The following ERBB4 variants were observed in gnomAD, a reference collection of about 807,000 sequenced individuals.
ERBB4 encodes the protein receptor tyrosine-protein kinase erbB-4.
A neutral mutation model predicts 158.0 loss-of-function variants in ERBB4; 42 were observed. The observed-to-expected ratio is 0.27, with a 90% confidence interval of 0.21 to 0.34. The LOEUF (loss-of-function observed/expected upper bound fraction) is 0.34. Ranked by LOEUF, ERBB4 falls within the 10% of genes least tolerant of loss-of-function variation. The pLI is 1.00. For synonymous variants in ERBB4, 583 were observed against 558.7 expected, an observed-to-expected ratio of 1.04 and a Z score of -0.61; for missense variants, 1,333 against 1,624.1, an observed-to-expected ratio of 0.82 and a Z score of 3.08.
At chr2:212,177,189 G>A (rs1320279781) in intron 1 of ERBB4, among the ~76,000 whole-genome samples, 14 of 151,402 alleles carry the variant, frequency 9.2e-5, no homozygotes, top group Admixed American at 9.2e-4. Flanking sequence ...TTTTTGTAAG[G>A]TAAAAAAATG....
At chr2:211,684,007 C>A (rs1427856478) in intron 12 of ERBB4, among the ~76,000 whole-genome samples, 1 of 151,948 alleles carries the variant, frequency 6.6e-6, no homozygotes, top group South Asian at 2.1e-4. Context: ...AATGTTTCTT[C>A]GTATTTTTGA....
intron 3 of ERBB4, among the ~76,000 whole-genome samples, chr2:211,827,415 T>C (rs1443621594): frequency 6.6e-6 from 1 of 152,070 alleles, no homozygotes; most frequent in African/African-American, 2.4e-5. Context: ...TTATTGACAA[T>C]CCACATACCA....
intron 25 of ERBB4, among the ~76,000 whole-genome samples, chr2:211,415,508 C>A: frequency 6.6e-6 from 1 of 152,172 alleles, no homozygotes. Flanking sequence ...GGAAACATAG[C>A]AAAATATAAT....
At chr2:212,024,184 G>C (rs752162088) in intron 2 of ERBB4, among the ~76,000 whole-genome samples, 1 of 151,866 alleles carries the variant, frequency 6.6e-6, no homozygotes, top group African/African-American at 2.4e-5. Context: ...TGGACACAGA[G>C]TGTTTCATTC....
chr2:212,366,415 C>A (rs370947381), intron 1 of ERBB4, among the ~76,000 whole-genome samples: 1 of 151,920 alleles, frequency 6.6e-6, no homozygotes, highest in African/African-American at 2.4e-5. Context: ...AGAACAGTGA[C>A]TTTAATCAGC....
At chr2:211,416,826 T>G (rs1330391246) in intron 25 of ERBB4, among the ~76,000 whole-genome samples, 1 of 151,962 alleles carries the variant, frequency 6.6e-6, no homozygotes. Context: ...TTTTTTTTTT[T>G]TTTTAACCCT....
At chr2:211,441,000 G>A (rs370007180) in intron 20 of ERBB4, among the ~76,000 whole-genome samples, 2 of 152,120 alleles carry the variant, frequency 1.3e-5, no homozygotes, top group South Asian at 2.1e-4. Context: ...ACTTCCTTCT[G>A]GAAGTCACCC....
chr2:212,381,539 A>G (rs540204503), intron 1 of ERBB4, among the ~76,000 whole-genome samples: 1 of 151,366 alleles, frequency 6.6e-6, no homozygotes, highest in African/African-American at 2.4e-5. Context: ...TAACTCTCCA[A>G]GCAATTGCAG....
chr2:211,973,139 G>T (rs1055447054), intron 2 of ERBB4, among the ~76,000 whole-genome samples: 1 of 151,020 alleles, frequency 6.6e-6, no homozygotes, highest in Non-Finnish European at 1.5e-5. Flanking sequence ...CTTTTCAAAA[G>T]AAGACATATG....
At chr2:211,674,001 AT>A (rs1559404527) in intron 13 of ERBB4, among the ~76,000 whole-genome samples, 1 of 152,028 alleles carries the variant, frequency 6.6e-6, no homozygotes, top group Non-Finnish European at 1.5e-5. Context: ...ATATCCTTAC[AT>A]TTTTGTGGCT....
chr2:211,692,255 C>G (rs1574995427), intron 12 of ERBB4, among the ~76,000 whole-genome samples: 1 of 152,130 alleles, frequency 6.6e-6, no homozygotes, highest in East Asian at 1.9e-4. Flanking sequence ...GGATTGAGCC[C>G]TAGTGATGTT....
chr2:211,937,032 A>G (rs978289812), intron 3 of ERBB4, among the ~76,000 whole-genome samples: 2 of 152,222 alleles, frequency 1.3e-5, no homozygotes, highest in Non-Finnish European at 2.9e-5. Context: ...TAAGAGGTAT[A>G]TTGAACTTCT....
chr2:211,593,223 T>C (rs570304898), intron 19 of ERBB4, among the ~76,000 whole-genome samples: 11 of 152,258 alleles, frequency 7.2e-5, no homozygotes, highest in Admixed American at 6.5e-4. Context: ...AAGTAGGCTA[T>C]AGCAGCTAAC....
chr2:211,456,050 C>T (rs1187241855), intron 20 of ERBB4, among the ~76,000 whole-genome samples: 1 of 152,076 alleles, frequency 6.6e-6, no homozygotes, highest in Non-Finnish European at 1.5e-5. Flanking sequence ...GCATGTGCAC[C>T]CGAACATACA....
rs1559419685 is a variant in ERBB4 at position 212,062,396 on chromosome 2, A to ATTTTTTTT, written c.234+62355_234+62356insAAAAAAAA. Among the ~76,000 whole-genome samples, 104 of 96,516 alleles carry ATTTTTTTT rather than the reference A, an allele frequency of 1.1e-3. 3 individuals carry two copies. Among genetic ancestry groups the ATTTTTTTT allele is most frequent in the Non-Finnish European group, 1.4e-3 (67 of 48,974 alleles). The allele number at this position is 96,516 out of a possible 152,430, so 63.3% of individuals were successfully genotyped here. On this transcript the variant is annotated intron_variant, in intron 2 of 27. Coordinates refer to ENST00000342788, the MANE Select transcript of ERBB4 (RefSeq NM_005235.3). ...CTCCTACTACTCTTCTCACTTGTCA[A>ATTTTTTTT]TTCTTTTTTTTTTTTTTTTTTTTTT...
chr2:212,166,661 C>T (rs548924860), intron 1 of ERBB4, among the ~76,000 whole-genome samples: 87 of 151,306 alleles, frequency 5.7e-4, no homozygotes, highest in African/African-American at 1.1e-3. Flanking sequence ...AAGAACAAAA[C>T]GGGAGGCATC....
At position 211,376,063 on chromosome 2, in the gene ERBB4, G is replaced by A. The variant is rs1046935393; in HGVS notation, c.*7552C>T. Reference sequence around the variant, plus strand: ...ATAAGAGAAAGTATACTAAAAATATGCCTAACATTAAAAAAGTTAGTATGT... The same window carrying A: ...ATAAGAGAAAGTATACTAAAAATATACCTAACATTAAAAAAGTTAGTATGT... On this transcript the variant is annotated 3_prime_UTR_variant, in exon 28 of 28. Transcript: ENST00000342788. 8.6e-5 allele frequency: 20 copies of A among 232,900 alleles called. No individual in the cohort carries two copies. Among genetic ancestry groups the A allele is most frequent in the Admixed American group, 7.3e-4 (13 of 17,738 alleles). 14.4% of individuals were successfully genotyped at this position (232,900 alleles called of 1,614,324 possible).
chr2:212,273,558 C>T (rs949127779), intron 1 of ERBB4, among the ~76,000 whole-genome samples: 17 of 151,620 alleles, frequency 1.1e-4, no homozygotes, highest in African/African-American at 4.1e-4. Context: ...CATTAGCAGG[C>T]CAGAATATTA....
chr2:212,187,070 C>T (rs977209798), intron 1 of ERBB4, among the ~76,000 whole-genome samples: 3 of 152,028 alleles, frequency 2.0e-5, no homozygotes, highest in Non-Finnish European at 4.4e-5. Context: ...AGAGGCCGAA[C>T]CCTAAGGTCA....
Sources: gnomAD v4.1 joint callset for allele counts (sites outside exome capture counted in the v4.1 genomes callset) on GRCh38, gnomAD v4.1.1 for gene constraint, MANE v1.5 for transcripts, NCBI Gene and HGNC (gene_info 2026-07-23, HGNC 2026-07-21) for gene names.